DNAH9: variants seen among roughly 807,000 people sequenced by gnomAD.
DNAH9 encodes the protein dynein axonemal heavy chain 9.
DNAH9 carries 345 observed loss-of-function variants against 471.6 expected under a neutral mutation model. That is an observed-to-expected ratio of 0.73 (90% CI 0.67 to 0.80). The LOEUF is 0.80. Ranked by LOEUF, DNAH9 falls within the 30% of genes least tolerant of loss-of-function variation. The probability of loss-of-function intolerance (pLI) is 0.00; values close to 1 mark genes in which losing one functional copy is unlikely to be tolerated. For synonymous variants in DNAH9, 2,093 were observed against 2,123.6 expected (o/e 0.99, Z 0.40); for missense variants, 5,407 against 5,609.2 (o/e 0.96, Z 1.15).
intron 49 of DNAH9, among the ~76,000 whole-genome samples, chr17:11,838,493 T>C (rs1970921837): frequency 6.6e-6 from 1 of 152,122 alleles, no homozygotes; most frequent in African/African-American, 2.4e-5. Flanking sequence ...ATGAAGCAGA[T>C]AGTATAAAGA....
At chr17:11,757,500 G>A in intron 34 of DNAH9, 45 bp from the exon 35 acceptor site, 1 of 1,518,606 alleles carries the variant, frequency 6.6e-7, no homozygotes, top group Non-Finnish European at 9.1e-7. Context: ...AAAATATAAT[G>A]ATGTATATGG....
chr17:11,825,289 T>A (rs1240378703), intron 48 of DNAH9, among the ~76,000 whole-genome samples: 5 of 152,170 alleles, frequency 3.3e-5, no homozygotes, highest in Non-Finnish European at 2.9e-5. Flanking sequence ...ACCAGATTTT[T>A]AAAAACATCT....
At chr17:11,917,751 A>G (rs1218804470) in intron 61 of DNAH9, among the ~76,000 whole-genome samples, 1 of 152,204 alleles carries the variant, frequency 6.6e-6, no homozygotes, top group East Asian at 1.9e-4. Flanking sequence ...GTAGCATTGC[A>G]TGGCGTTACG....
intron 43 of DNAH9, among the ~76,000 whole-genome samples, chr17:11,799,416 G>T (rs1487565643): frequency 6.6e-6 from 1 of 151,580 alleles, no homozygotes; most frequent in Non-Finnish European, 1.5e-5. Context: ...GCCCAAGCTG[G>T]AGTGCAGTGG....
At chr17:11,927,745 T>C (rs1228196037) in intron 62 of DNAH9, among the ~76,000 whole-genome samples, 1 of 152,200 alleles carries the variant, frequency 6.6e-6, no homozygotes, top group Non-Finnish European at 1.5e-5. Context: ...CCGCTCTTCC[T>C]TCCTGGCTGT....
intron 32 of DNAH9, among the ~76,000 whole-genome samples, chr17:11,749,806 T>C (rs1331162405): frequency 1.3e-5 from 2 of 152,170 alleles, no homozygotes; most frequent in East Asian, 1.9e-4. Flanking sequence ...GATCTGATTC[T>C]GGGCTTTCTA....
intron 27 of DNAH9, among the ~76,000 whole-genome samples, chr17:11,727,556 T>G (rs1383937385): frequency 2.0e-5 from 3 of 152,162 alleles, no homozygotes; most frequent in Non-Finnish European, 2.9e-5. Flanking sequence ...AGCTACCGAA[T>G]CAACAATAAT....
intron 41 of DNAH9, among the ~76,000 whole-genome samples, chr17:11,787,989 G>A (rs777894620): frequency 3.9e-5 from 6 of 152,060 alleles, no homozygotes; most frequent in Non-Finnish European, 5.9e-5. Flanking sequence ...GCATGAAAAC[G>A]GACCAGTACA....
chr17:11,876,576 T>G (rs1271743193), intron 53 of DNAH9, among the ~76,000 whole-genome samples: 1 of 152,200 alleles, frequency 6.6e-6, no homozygotes, highest in East Asian at 1.9e-4. Flanking sequence ...TGTGGTATGA[T>G]TCCTCTCATC....
rs2074660018 is a variant in DNAH9 at position 11,704,370 on chromosome 17, G to A, written c.5319G>A (p.Arg1773=). The A allele has an allele frequency of 6.2e-7, 1 of 1,614,110 alleles. No individual in the cohort carries two copies. Among genetic ancestry groups the A allele is most frequent in the East Asian group, 2.2e-5 (1 of 44,862 alleles). Residue 1773 remains arginine (R), a synonymous_variant, in exon 25 of 69, where the codon CGG becomes CGA. Transcript: ENST00000262442. ...TTGGCCAGCTCTCCAAGGGAGACCG[G>A]CAGAAGATTATGACTATATGCACCA... ...MLIGQLSKGD[R]QKIMTICTID...
intron 8 of DNAH9, among the ~76,000 whole-genome samples, chr17:11,633,857 A>G (rs1484894105): frequency 6.6e-6 from 1 of 152,222 alleles, no homozygotes; most frequent in Non-Finnish European, 1.5e-5. Flanking sequence ...TTCTCAAGCC[A>G]CTTTGAAGTC....
At chr17:11,770,281 T>C (rs1189378015) in intron 38 of DNAH9, among the ~76,000 whole-genome samples, 2 of 152,216 alleles carry the variant, frequency 1.3e-5, no homozygotes, top group East Asian at 1.9e-4. Context: ...GCCATGACCA[T>C]TTTACCCAGT....
At chr17:11,680,953 C>A in intron 19 of DNAH9, 64 bp downstream of exon 19, 1 of 1,426,484 alleles carries the variant, frequency 7.0e-7, no homozygotes, top group East Asian at 2.5e-5. Context: ...CATGGATAAT[C>A]TTTTTGTGGG....
chr17:11,645,873 C>CTTTT lies in DNAH9; in HGVS notation c.1970+1176_1970+1179dup, dbSNP rs1205010044. ...TGATGTCCTGTACATTTCTCTTTTT[C>CTTTT]TTTTTCTTTTTTTTTTTTTTTTTTG... is the stretch of plus-strand genomic sequence containing the variant. On this transcript the variant is annotated intron_variant, in intron 11 of 68. Transcript: ENST00000262442. Among the ~76,000 whole-genome samples, 129 of 138,706 alleles carry CTTTT rather than the reference C, an allele frequency of 9.3e-4. 3 individuals are homozygous for CTTTT. The highest frequency in any genetic ancestry group is 3.5e-3 in the African/African-American group (123 of 35,072). The allele number at this position is 138,706 out of a possible 152,430, so 91.0% of individuals were successfully genotyped here.
Position 11,969,632 on chromosome 17 carries a change from A to G in DNAH9, c.*105A>G. On this transcript the variant is annotated 3_prime_UTR_variant, in exon 69 of 69. Transcript: ENST00000262442. ...CAGACACTTAGAACGGTAAGAAACC[A>G]TGAGCACTCACAATTCTGTAGAATT... 3.3e-6 allele frequency: 3 copies of G among 914,564 alleles called. No homozygotes were observed. Among genetic ancestry groups the G allele is most frequent in the Non-Finnish European group, 4.8e-6 (3 of 621,686 alleles). The allele number at this position is 914,564 out of a possible 1,614,324, so 56.7% of individuals were successfully genotyped here. A position where few individuals can be genotyped will look rare whatever the true frequency, so the allele number is the denominator to read the frequency against.
intron 14 of DNAH9, among the ~76,000 whole-genome samples, chr17:11,659,099 G>C (rs1225167575): frequency 6.6e-6 from 1 of 151,480 alleles, no homozygotes; most frequent in Non-Finnish European, 1.5e-5. Flanking sequence ...ATTCACCAGG[G>C]AATACTTCTG....
At chr17:11,938,859 A>G (rs527615151) in intron 66 of DNAH9, among the ~76,000 whole-genome samples, 9 of 152,218 alleles carry the variant, frequency 5.9e-5, no homozygotes, top group South Asian at 2.1e-4. Context: ...TTGACCTCCC[A>G]AAGTGCTAGG....
At chr17:11,719,582 C>T in intron 27 of DNAH9, 92 bp downstream of exon 27, 1 of 1,189,746 alleles carries the variant, frequency 8.4e-7, no homozygotes, top group Non-Finnish European at 1.2e-6. Context: ...GCCACCCTGA[C>T]CCAGCTTCCC....
chr17:11,632,454 A>G, intron 7 of DNAH9, 133 bp from the exon 8 acceptor site: 7 of 613,046 alleles, frequency 1.1e-5, no homozygotes, highest in Admixed American at 2.5e-5. Flanking sequence ...AAGTCATGCC[A>G]TGGTGAATTT....
Sources: allele counts gnomAD v4.1 joint callset (sites outside exome capture counted in the v4.1 genomes callset), GRCh38; gene constraint gnomAD v4.1.1; transcripts MANE v1.5; gene names NCBI Gene and HGNC (gene_info 2026-07-23, HGNC 2026-07-21).